The following LDB2 variants were observed in gnomAD, a reference collection of about 807,000 sequenced individuals.
LDB2 encodes the protein LIM domain binding 2.
A neutral mutation model predicts 44.3 loss-of-function variants in LDB2; 12 were observed. The observed-to-expected ratio is 0.27, with a 90% CI of 0.17 to 0.44. The LOEUF (loss-of-function observed/expected upper bound fraction) is 0.44. Among genes scored for constraint, LDB2 ranks in the 20% least tolerant of loss-of-function variants. The pLI is 1.00. For synonymous variants in LDB2, 164 were observed against 174.8 expected, an observed-to-expected ratio of 0.94 and a Z score of 0.49; for missense variants, 344 against 473.5, an observed-to-expected ratio of 0.73 and a Z score of 2.54.
At chr4:16,864,720 T>C (rs1210985039) in intron 1 of LDB2, among the ~76,000 whole-genome samples, 1 of 151,914 alleles carries the variant, frequency 6.6e-6, no homozygotes, top group East Asian at 1.9e-4. Flanking sequence ...AGGTCAGGAG[T>C]TCGAGACCAG....
intron 2 of LDB2, among the ~76,000 whole-genome samples, chr4:16,724,387 C>G (rs1758981291): frequency 6.6e-6 from 1 of 151,076 alleles, no homozygotes; most frequent in Non-Finnish European, 1.5e-5. Context: ...AGTTTGGCAA[C>G]TAGATAGTTG....
rs1464909585 is a variant in LDB2 at position 16,660,390 on chromosome 4, T to C, written c.236-64515A>G. Among the ~76,000 whole-genome samples, 5 of 152,270 alleles carry C rather than the reference T, an allele frequency of 3.3e-5. No homozygotes were observed. In the East Asian group the frequency reaches 9.7e-4, roughly 29 times the overall value. On this transcript the variant is annotated intron_variant, in intron 2 of 7. Transcript: ENST00000304523. ...TACTTAGAAATAAGGGTAAAGAGGA[T>C]GGTGATACCTGCTCATCTGACCTCA...
chr4:16,722,983 A>T (rs1282783722), intron 2 of LDB2, among the ~76,000 whole-genome samples: 1 of 152,198 alleles, frequency 6.6e-6, no homozygotes, highest in African/African-American at 2.4e-5. Context: ...AGTTGAAAAT[A>T]TTATAAATTG....
rs184765229 is a variant in LDB2 at position 16,692,442 on chromosome 4, G to A, written c.235+66716C>T. Among the ~76,000 whole-genome samples, 11 of 152,228 alleles carry A rather than the reference G, an allele frequency of 7.2e-5. No individual in the cohort carries two copies. The East Asian group carries it at 2.1e-3, about 29-fold the overall frequency. Reference sequence around the variant, plus strand: ...TAAAATCTGCCAGCAGCAGCAAAAGGGTTACTTCCAACTTCACCTTGGAAA... The same window carrying A: ...TAAAATCTGCCAGCAGCAGCAAAAGAGTTACTTCCAACTTCACCTTGGAAA... On this transcript the variant is annotated intron_variant, in intron 2 of 7. Coordinates refer to ENST00000304523, the MANE Select transcript of LDB2 (RefSeq NM_001290.5).
intron 1 of LDB2, among the ~76,000 whole-genome samples, chr4:16,874,637 G>A (rs543560935): frequency 6.6e-6 from 1 of 152,302 alleles, no homozygotes; most frequent in South Asian, 2.1e-4. Flanking sequence ...TTCAAAATTA[G>A]GCAAGCTCTA....
chr4:16,757,428 C>T (rs1288146333), intron 2 of LDB2, among the ~76,000 whole-genome samples: 1 of 152,134 alleles, frequency 6.6e-6, no homozygotes, highest in African/African-American at 2.4e-5. Flanking sequence ...GAGATAAGAT[C>T]TTAAACAGGC....
At chr4:16,739,184 C>A (rs938954644) in intron 2 of LDB2, among the ~76,000 whole-genome samples, 2 of 151,934 alleles carry the variant, frequency 1.3e-5, no homozygotes, top group African/African-American at 4.8e-5. Context: ...TTCTGAAACT[C>A]CTTTTGATGA....
At chr4:16,764,014 C>T (rs564373871) in intron 1 of LDB2, among the ~76,000 whole-genome samples, 1 of 151,590 alleles carries the variant, frequency 6.6e-6, no homozygotes, top group South Asian at 2.1e-4. Context: ...CATAGAGAAT[C>T]TAAAATTCAA....
At chr4:16,553,352 G>A (rs1428222522) in intron 5 of LDB2, among the ~76,000 whole-genome samples, 4 of 151,878 alleles carry the variant, frequency 2.6e-5, no homozygotes, top group Admixed American at 2.6e-4. Flanking sequence ...GAGATAGATA[G>A]GATCTTGCTA....
chr4:16,537,283 A>G (rs556910809), intron 5 of LDB2, among the ~76,000 whole-genome samples: 37 of 152,358 alleles, frequency 2.4e-4, no homozygotes, highest in African/African-American at 8.4e-4. Flanking sequence ...TAAGAAACCA[A>G]TGATTTCCTT....
At chr4:16,698,765 G>A (rs1201940610) in intron 2 of LDB2, among the ~76,000 whole-genome samples, 3 of 152,208 alleles carry the variant, frequency 2.0e-5, no homozygotes, top group African/African-American at 7.2e-5. Flanking sequence ...TGTAATTTAA[G>A]TAAATGCAAA....
chr4:16,622,384 G>C (rs1350647812), intron 2 of LDB2, among the ~76,000 whole-genome samples: 1 of 152,176 alleles, frequency 6.6e-6, no homozygotes, highest in Non-Finnish European at 1.5e-5. Context: ...CAAAAAGAAA[G>C]CCAGGATAGA....
At chr4:16,674,647 G>A (rs188784085) in intron 2 of LDB2, among the ~76,000 whole-genome samples, 86 of 152,274 alleles carry the variant, frequency 5.6e-4, no homozygotes, top group Admixed American at 3.4e-3. Context: ...ACACTGGTCC[G>A]TCTGCTCCCC....
At position 16,556,448 on chromosome 4, in the gene LDB2, A is replaced by G. The variant is rs184741086; in HGVS notation, c.615+29474T>C. On this transcript the variant is annotated intron_variant, in intron 5 of 7. Transcript: ENST00000304523. Reference sequence around the variant, plus strand: ...AGGCTTTGGAATATAGTGGGCACTCAGTAGGAGACTGCTTTGTGCATTATC... The same window carrying G: ...AGGCTTTGGAATATAGTGGGCACTCGGTAGGAGACTGCTTTGTGCATTATC... 2.4e-3 allele frequency among the ~76,000 whole-genome samples: 363 copies of G among 152,354 alleles called. No homozygotes were observed. In the Middle Eastern group the frequency reaches 0.031, roughly 13 times the overall value.
intron 2 of LDB2, among the ~76,000 whole-genome samples, chr4:16,710,673 G>T (rs995765431): frequency 3.9e-5 from 6 of 152,196 alleles, no homozygotes; most frequent in Admixed American, 3.9e-4. Context: ...AAAAAAGTGT[G>T]TCTCTAAGGA....
intron 3 of LDB2, among the ~76,000 whole-genome samples, chr4:16,592,912 GA>G (rs1378897237): frequency 6.6e-6 from 1 of 152,016 alleles, no homozygotes; most frequent in Non-Finnish European, 1.5e-5. Flanking sequence ...CTTTAATTCT[GA>G]AAACCTTGAT....
chr4:16,630,274 G>T (rs1170327180), intron 2 of LDB2, among the ~76,000 whole-genome samples: 3 of 152,186 alleles, frequency 2.0e-5, no homozygotes, highest in Non-Finnish European at 4.4e-5. Flanking sequence ...GAGAGTGGGG[G>T]CCAATATTCA....
chr4:16,518,549 A>C (rs979484280), intron 5 of LDB2, among the ~76,000 whole-genome samples: 7 of 151,748 alleles, frequency 4.6e-5, no homozygotes, highest in African/African-American at 1.7e-4. Flanking sequence ...AGGATTTGGC[A>C]AACTATGACC....
intron 2 of LDB2, among the ~76,000 whole-genome samples, chr4:16,620,441 C>G (rs77846652): frequency 1.3e-5 from 2 of 152,096 alleles, no homozygotes; most frequent in East Asian, 3.9e-4. Context: ...CATGAAGAAC[C>G]CAGCCAGGAA....
Sources: allele counts gnomAD v4.1 joint callset (sites outside exome capture counted in the v4.1 genomes callset), GRCh38; gene constraint gnomAD v4.1.1; transcripts MANE v1.5; gene names NCBI Gene and HGNC (gene_info 2026-07-23, HGNC 2026-07-21).